DCP1A: variants seen among roughly 807,000 people sequenced by gnomAD.
DCP1A encodes the protein mRNA-decapping enzyme 1A.
DCP1A carries 20 observed loss-of-function variants against 58.0 expected under a neutral mutation model. The observed-to-expected ratio is 0.34, with a 90% CI of 0.24 to 0.50. The LOEUF is 0.50. Ranked by LOEUF, DCP1A falls within the 20% of genes least tolerant of loss-of-function variation. DCP1A has a pLI of 0.98. For synonymous variants in DCP1A, 285 were observed against 275.1 expected (o/e 1.04, Z -0.36); for missense variants, 613 against 712.2 (o/e 0.86, Z 1.59).
rs536487982 is a variant in DCP1A, at chr3:53,307,372, G to T, written c.511-3082C>A. 1.2e-4 allele frequency among the ~76,000 whole-genome samples: 18 copies of T among 152,260 alleles called. No individual in the cohort carries two copies. The South Asian group carries it at 3.7e-3, about 32-fold the overall frequency. ...AATTTTTAGAGACAGGCTGGATAAGGTTGCAAAACCTTATCGGCAATAACT... is the reference window on the plus strand; with the variant it reads ...AATTTTTAGAGACAGGCTGGATAAGTTTGCAAAACCTTATCGGCAATAACT... On this transcript the variant is annotated intron_variant, in intron 5 of 9. Coordinates refer to ENST00000610213, the MANE Select transcript of DCP1A (RefSeq NM_018403.7).
Position 53,312,235 on chromosome 3 carries a change from C to T in DCP1A, c.510+6G>A. On this transcript the variant is annotated splice_donor_region_variant and intron_variant, in intron 5 of 9. Transcript: ENST00000610213. The stretch of plus-strand genomic sequence containing the variant: ...GGTCAGCACCCAAGTACCCAGAGAG[C>T]CTCACCCTCTCATACTCATCCTTGG... 1 of 1,585,552 alleles carries T rather than the reference C, an allele frequency of 6.3e-7. No homozygotes were observed. Among genetic ancestry groups the T allele is most frequent in the Non-Finnish European group, 8.6e-7 (1 of 1,165,600 alleles).
At chr3:53,325,482 C>T (rs1553690493) in intron 3 of DCP1A, among the ~76,000 whole-genome samples, 3 of 152,076 alleles carry the variant, frequency 2.0e-5, no homozygotes, top group South Asian at 2.1e-4. Context: ...AAACTCTGTG[C>T]TTGAGAAAAT....
chr3:53,332,657 G>A (rs371513230), intron 3 of DCP1A, among the ~76,000 whole-genome samples: 134 of 152,186 alleles, frequency 8.8e-4, no homozygotes, highest in African/African-American at 2.9e-3. Context: ...GAGGTCAGGA[G>A]ATCGAGACCA....
At chr3:53,290,406 C>T (rs1469361125) in intron 8 of DCP1A, among the ~76,000 whole-genome samples, 1 of 151,730 alleles carries the variant, frequency 6.6e-6, no homozygotes, top group African/African-American at 2.4e-5. Flanking sequence ...CGAGTAAGGG[C>T]CCACCGTGCC....
chr3:53,308,986 C>T (rs1312101301), intron 5 of DCP1A, among the ~76,000 whole-genome samples: 2 of 152,112 alleles, frequency 1.3e-5, no homozygotes, highest in African/African-American at 4.8e-5. Context: ...CATCCGCACC[C>T]CCCTGACCAA....
chr3:53,293,066 C>T (rs1553686400), intron 6 of DCP1A, among the ~76,000 whole-genome samples: 1 of 152,082 alleles, frequency 6.6e-6, no homozygotes, highest in Non-Finnish European at 1.5e-5. Context: ...CTCTGGGTAG[C>T]AGGATCAGAA....
chr3:53,346,227 C>T (rs1019792081), intron 1 of DCP1A, among the ~76,000 whole-genome samples: 2 of 152,206 alleles, frequency 1.3e-5, no homozygotes, highest in African/African-American at 2.4e-5. Context: ...AAACAATCTA[C>T]AATTTTATTC....
intron 8 of DCP1A, chr3:53,290,509 G>A (rs1211358402): frequency 3.5e-6 from 2 of 574,462 alleles, no homozygotes; most frequent in Non-Finnish European, 6.1e-6. Flanking sequence ...GGGTGGGAGA[G>A]GACCTGGCCT....
intron 5 of DCP1A, among the ~76,000 whole-genome samples, chr3:53,308,693 A>C (rs1707549193): frequency 6.6e-6 from 1 of 152,070 alleles, no homozygotes; most frequent in South Asian, 2.1e-4. Context: ...TGCTGGGCTC[A>C]AGTGCTCCTC....
At chr3:53,334,141 G>A (rs1048582370) in intron 3 of DCP1A, among the ~76,000 whole-genome samples, 20 of 152,034 alleles carry the variant, frequency 1.3e-4, no homozygotes, top group African/African-American at 3.6e-4. Flanking sequence ...GCGTGCACTT[G>A]TGGTCCCAGC....
intron 3 of DCP1A, among the ~76,000 whole-genome samples, chr3:53,323,615 C>G (rs140199758): frequency 4.7e-4 from 72 of 152,124 alleles, no homozygotes; most frequent in Non-Finnish European, 8.8e-4. Context: ...TGCCTGTAAT[C>G]CCAGAATTTT....
rs148239880 is a variant in DCP1A, at chr3:53,347,464, T to G, written c.54A>C (p.Gln18His). Reference protein sequence around the residue: ...GQEMSLAALKQHDPYITSIAD... With the variant: ...GQEMSLAALKHHDPYITSIAD... Reference sequence around the variant, plus strand: ...CGATGCTGGTGATATAGGGGTCGTGTTGCTTCAGGGCCGCTAGGCTCATCT... The same window carrying G: ...CGATGCTGGTGATATAGGGGTCGTGGTGCTTCAGGGCCGCTAGGCTCATCT... The change falls in exon 1 of 10, where the codon CAA becomes CAC. Residue 18 changes from glutamine (Q) to histidine (H), a missense_variant. Coordinates refer to ENST00000610213, the MANE Select transcript of DCP1A (RefSeq NM_018403.7). 5.0e-6 allele frequency: 8 copies of G among 1,613,694 alleles called. No homozygotes were observed. In the African/African-American group the frequency reaches 1.1e-4, roughly 22 times the overall value.
intron 5 of DCP1A, among the ~76,000 whole-genome samples, chr3:53,308,458 A>AT (rs1286410916): frequency 6.6e-6 from 1 of 152,090 alleles, no homozygotes; most frequent in Non-Finnish European, 1.5e-5. Context: ...CACCTGGCTG[A>AT]TTTTTAAATT....
At chr3:53,346,363 T>C (rs546808904) in intron 1 of DCP1A, among the ~76,000 whole-genome samples, 4 of 152,320 alleles carry the variant, frequency 2.6e-5, no homozygotes, top group Non-Finnish European at 4.4e-5. Flanking sequence ...CTGATAAATA[T>C]AATCTATGCA....
intron 3 of DCP1A, among the ~76,000 whole-genome samples, chr3:53,336,501 A>G (rs933038358): frequency 7.9e-5 from 12 of 152,332 alleles, no homozygotes; most frequent in African/African-American, 2.9e-4. Context: ...TCCATGAACT[A>G]AAGTCTTTGG....
chr3:53,304,182 C>A lies in DCP1A; in HGVS notation c.619G>T (p.Asp207Tyr). ...AGAGCTTTAGCTGTACAAACCTTAT[C>A]CTGTGACCCGGAGGGCATTTCTTCT... ...TLEEMPSGSQ[D>Y]KSAPSGHKHL... The change falls in exon 6 of 10, where the codon GAT becomes TAT. Residue 207 changes from aspartate to tyrosine, a missense_variant. Asp to Tyr is a radical substitution (Grantham distance 160). Transcript: ENST00000610213. 1 of 1,611,128 alleles carries A rather than the reference C, an allele frequency of 6.2e-7. No individual in the cohort carries two copies. Among genetic ancestry groups the A allele is most frequent in the Non-Finnish European group, 8.5e-7 (1 of 1,177,698 alleles).
intron 8 of DCP1A, 130 bp from the exon 9 acceptor site, chr3:53,288,413 G>A: frequency 1.5e-6 from 1 of 675,378 alleles, no homozygotes; most frequent in Non-Finnish European, 2.5e-6. Flanking sequence ...TTTGAGTTCA[G>A]GTAAACATTC....
intron 1 of DCP1A, 115 bp downstream of exon 1, chr3:53,347,268 T>A: frequency 7.8e-7 from 1 of 1,290,060 alleles, no homozygotes; most frequent in African/African-American, 1.5e-5. Context: ...GACCCTGGCC[T>A]CGTCTCCACC....
rs2089288540 is a variant in DCP1A, at chr3:53,346,119, C to T, written c.136-1177G>A. ...CTAGCCCCAAGTCTTCACCATTTGT[C>T]GGCAATCCATATTTCAAAATTTATA... is the stretch of plus-strand genomic sequence containing the variant. On this transcript the variant is annotated intron_variant, in intron 1 of 9. Transcript: ENST00000610213. Among the ~76,000 whole-genome samples the T allele has an allele frequency of 2.0e-5, 3 of 152,010 alleles. No individual in the cohort carries two copies. The South Asian group carries it at 6.2e-4, about 31-fold the overall frequency.
Sources: gnomAD v4.1 joint callset for allele counts (sites outside exome capture counted in the v4.1 genomes callset) on GRCh38, gnomAD v4.1.1 for gene constraint, MANE v1.5 for transcripts, NCBI Gene and HGNC (gene_info 2026-07-23, HGNC 2026-07-21) for gene names.